Variants in CELSR3 observed in about 807,000 individuals in gnomAD.
The protein encoded by CELSR3 is EGF-like protein 1.
Under a neutral mutation model 270.0 loss-of-function variants are expected in CELSR3, and 73 were observed. That is an observed-to-expected ratio of 0.27 (90% CI 0.22 to 0.33). CELSR3 has a LOEUF of 0.33. Among genes scored for constraint, CELSR3 ranks in the 10% least tolerant of loss-of-function variants. The pLI is 1.00. For synonymous variants in CELSR3, 1,780 were observed against 1,905.4 expected, an observed-to-expected ratio of 0.93 and a Z score of 1.71; for missense variants, 3,614 against 4,533.8, an observed-to-expected ratio of 0.80 and a Z score of 5.83.
Position 48,658,774 on chromosome 3 carries a change from A to T in CELSR3, c.3748+113T>A. 7.6e-7 allele frequency: 1 copy of T among 1,317,754 alleles called. No individual in the cohort carries two copies. Among genetic ancestry groups the T allele is most frequent in the Non-Finnish European group, 1.1e-6 (1 of 950,860 alleles). 81.6% of individuals were successfully genotyped at this position (1,317,754 alleles called of 1,614,324 possible). A position where few individuals can be genotyped will look rare whatever the true frequency, so the allele number is the denominator to read the frequency against. ...TGTAGGGTGCAGGAACCCTACCCTT[A>T]AGGGGTTCTTGGAAGGCTTAGAAAT... On this transcript the variant is annotated intron_variant, in intron 1 of 34. Coordinates refer to ENST00000164024, the MANE Select transcript of CELSR3 (RefSeq NM_001407.3). This position sits in a 1 kb window ranked among gnomAD's most constrained non-coding sequence, Gnocchi z 4.7.
intron 18 of CELSR3, 118 bp from the exon 19 acceptor site, chr3:48,648,579 G>T: frequency 1.5e-6 from 2 of 1,370,716 alleles, no homozygotes; most frequent in Non-Finnish European, 2.0e-6. Flanking sequence ...AAGGGGGCGG[G>T]GCTGGAGAGG....
At position 48,645,542 on chromosome 3, in the gene CELSR3, G is replaced by A. The variant is rs572778464; in HGVS notation, c.7698C>T (p.Ser2566=). The change falls in exon 24 of 35, where the codon AGC becomes AGT. Residue 2566 remains serine, a synonymous_variant. Transcript: ENST00000164024. The surrounding 1 kb of genome is among the most constrained non-coding windows in gnomAD (Gnocchi z 5.4). ...GGATCCCACGCACATTGGACTTGAG[G>A]CTGCGCAGGCTCAGCAGGATGGCTG... The part of the protein sequence containing the change: ...LTAAILLSLR[S]LKSNVRGIHA... The A allele has an allele frequency of 1.2e-6, 2 of 1,612,696 alleles. No homozygotes were observed. The highest frequency in any genetic ancestry group is 8.5e-7 in the Non-Finnish European group (1 of 1,180,004).
At position 48,645,382 on chromosome 3, in the gene CELSR3, C is replaced by A. The variant is rs765364631; in HGVS notation, c.7797+61G>T. ...CTGACCTCTGACCCTGAGTTTTGGC[C>A]CCAGGCCTCCTGGGCCAGTAGGGTC... On this transcript the variant is annotated intron_variant, in intron 24 of 34. Transcript: ENST00000164024. This position sits in a 1 kb window ranked among gnomAD's most constrained non-coding sequence, Gnocchi z 5.4. The A allele has an allele frequency of 6.2e-7, 1 of 1,603,206 alleles. No individual in the cohort carries two copies. Among genetic ancestry groups the A allele is most frequent in the African/African-American group, 1.3e-5 (1 of 74,716 alleles).
At position 48,655,061 on chromosome 3, in the gene CELSR3, C is replaced by T; in HGVS notation, c.4971G>A (p.Val1657=). 1 of 1,613,860 alleles carries T rather than the reference C, an allele frequency of 6.2e-7. No individual in the cohort carries two copies. Among genetic ancestry groups the T allele is most frequent in the Non-Finnish European group, 8.5e-7 (1 of 1,179,900 alleles). ...GGCCTCACTTCTTGGAGCTTGTTTG[C>T]ACACCAGCAGCCGCGCATGAGTAGT... is the stretch of plus-strand genomic sequence containing the variant. ...IGNYSCAAAG[V]QTSSKKSLDL... The change falls in exon 6 of 35, where the codon GTG becomes GTA. Residue 1657 remains valine (V), a synonymous_variant. Coordinates refer to ENST00000164024, the MANE Select transcript of CELSR3 (RefSeq NM_001407.3). This position sits in a 1 kb window ranked among gnomAD's most constrained non-coding sequence, Gnocchi z 5.8.
At position 48,641,243 on chromosome 3, in the gene CELSR3, G is replaced by A; in HGVS notation, c.9025+81C>T. 2.2e-6 allele frequency: 2 copies of A among 915,250 alleles called. No homozygotes were observed. The highest frequency in any genetic ancestry group is 3.5e-6 in the Non-Finnish European group (2 of 566,174). 56.7% of individuals were successfully genotyped at this position (915,250 alleles called of 1,614,324 possible). On this transcript the variant is annotated intron_variant, in intron 33 of 34. Coordinates refer to ENST00000164024, the MANE Select transcript of CELSR3 (RefSeq NM_001407.3). The surrounding 1 kb of genome is among the most constrained non-coding windows in gnomAD (Gnocchi z 4.8). ...GTAAGAAGAGCTCTCAGTTTGGGAT[G>A]AGGAAGCTGCAATCCCTTGGCTCAG...
Position 48,662,485 on chromosome 3 carries a change from C to A in CELSR3, c.150G>T (p.Thr50=). ...QGWDPGLAAT[T]GPRAHIGGGA... is the part of the protein sequence containing the mutation. ...CGCCACCGATATGCGCCCTTGGCCCCGTAGTGGCAGCTAAGCCTGGGTCCC... is the reference window on the plus strand; with the variant it reads ...CGCCACCGATATGCGCCCTTGGCCCAGTAGTGGCAGCTAAGCCTGGGTCCC... Residue 50 remains threonine (T), a synonymous_variant, in exon 1 of 35, where the codon ACG becomes ACT. Coordinates refer to ENST00000164024, the MANE Select transcript of CELSR3 (RefSeq NM_001407.3). The surrounding 1 kb of genome is among the most constrained non-coding windows in gnomAD (Gnocchi z 7.1). The A allele has an allele frequency of 6.2e-7, 1 of 1,612,688 alleles. No homozygotes were observed. The highest frequency in any genetic ancestry group is 8.5e-7 in the Non-Finnish European group (1 of 1,179,826).
Position 48,660,498 on chromosome 3 carries a change from G to A in CELSR3, c.2137C>T (p.Pro713Ser), listed in dbSNP as rs866978990. 6.2e-7 allele frequency: 1 copy of A among 1,614,134 alleles called. No homozygotes were observed. The highest frequency in any genetic ancestry group is 8.5e-7 in the Non-Finnish European group (1 of 1,180,030). Residue 713 changes from proline (P) to serine (S), a missense_variant, in exon 1 of 35, where the codon CCC (proline) becomes TCC (serine). Physicochemically the swap from Pro to Ser is moderately conservative, Grantham distance 74. This residue lies in a region of CELSR3 where 215 missense variants were observed against 241.2 expected (regional missense o/e 0.89). Transcript: ENST00000164024. The surrounding 1 kb of genome is among the most constrained non-coding windows in gnomAD (Gnocchi z 5.5). ...SATGWVSVSG[P>S]LDRESVEHYF... ...TGCTCCACAGACTCACGGTCCAGGG[G>A]ACCACTCACAGAGACCCAGCCAGTG...
Position 48,651,881 on chromosome 3 carries a change from C to T in CELSR3, c.5919G>A (p.Gln1973=), listed in dbSNP as rs780848481. The T allele has an allele frequency of 1.2e-6, 2 of 1,610,346 alleles. No homozygotes were observed. Among genetic ancestry groups the T allele is most frequent in the South Asian group, 2.2e-5 (2 of 90,606 alleles). The part of the protein sequence containing the change: ...DLWQTFSCTC[Q]PGYYGPGCVD... Reference sequence around the variant, plus strand: ...CCCAACCCTCTCAAGGCTCACCTGGCTGGCAGGTGCAAGAAAAGGTCTGCC... The same window carrying T: ...CCCAACCCTCTCAAGGCTCACCTGGTTGGCAGGTGCAAGAAAAGGTCTGCC... Residue 1973 remains glutamine, a synonymous_variant, in exon 12 of 35, where the codon CAG becomes CAA. Coordinates refer to ENST00000164024, the MANE Select transcript of CELSR3 (RefSeq NM_001407.3). The surrounding 1 kb of genome is among the most constrained non-coding windows in gnomAD (Gnocchi z 7.4).
Position 48,639,992 on chromosome 3 carries a change from G to A in CELSR3, c.9593C>T (p.Ser3198Leu), listed in dbSNP as rs778909835. ...CTGGTCCAGCTGCTCCCGAGAGTTC[G>A]AGCTCCTAGACAGAGAGTCCAGCGG... is the stretch of plus-strand genomic sequence containing the variant. Reference protein sequence around the residue: ...SRPLDSLSRSSNSREQLDQVP... With the variant: ...SRPLDSLSRSLNSREQLDQVP... Residue 3198 changes from serine (S) to leucine (L), a missense_variant, in exon 34 of 35, where the codon TCG becomes TTG. Coordinates refer to ENST00000164024, the MANE Select transcript of CELSR3 (RefSeq NM_001407.3). This position sits in a 1 kb window ranked among gnomAD's most constrained non-coding sequence, Gnocchi z 4.1. 1.7e-5 allele frequency: 27 copies of A among 1,612,462 alleles called. No homozygotes were observed. Among genetic ancestry groups the A allele is most frequent in the South Asian group, 7.7e-5 (7 of 91,090 alleles).
chr3:48,653,883 T>C lies in CELSR3; in HGVS notation c.5273A>G (p.Gln1758Arg), dbSNP rs12107252. 0.13 allele frequency: 210,852 copies of C among 1,613,496 alleles called. 18,576 individuals are homozygous for C. Among genetic ancestry groups the C allele is most frequent in the African/African-American group, 0.46 (34,680 of 75,014 alleles). ...GCCCCATGCTGCCCACTTACTAAGC[T>C]GACAGTCTTTGCCGCCGAAGCCCAC... ...CPVGFGGKDC[Q>R]LTMAHPHHFR... The change falls in exon 8 of 35, where the codon CAG becomes CGG. Residue 1758 changes from glutamine to arginine, a missense_variant. Physicochemically the swap from Gln to Arg is conservative, Grantham distance 43. Transcript: ENST00000164024. The surrounding 1 kb of genome is among the most constrained non-coding windows in gnomAD (Gnocchi z 6.5).
Position 48,653,262 on chromosome 3 carries a change from C to T in CELSR3, c.5449-75G>A. The T allele has an allele frequency of 7.2e-7, 1 of 1,391,110 alleles. No homozygotes were observed. The allele number at this position is 1,391,110 out of a possible 1,614,324, so 86.2% of individuals were successfully genotyped here. On this transcript the variant is annotated intron_variant, in intron 9 of 34. Transcript: ENST00000164024. This position sits in a 1 kb window ranked among gnomAD's most constrained non-coding sequence, Gnocchi z 6.5. ...GACTTGGAGGTGAGATCAGAGGGCT[C>T]AGAGGTCAGGAATATCAGAGGTCAG...
In CELSR3 at chr3:48,650,554, A is replaced by G; in HGVS notation, c.6398T>C (p.Leu2133Pro). The stretch of plus-strand genomic sequence containing the variant: ...CTGGGGCCACCACACACCAGATCTC[A>G]GGGACTTAGGGCAGGCATCATAGAG... ...RVLYDACPKS[L>P]RSGVWWPQTK... The change falls in exon 16 of 35, where the codon CTG (leucine) becomes CCG (proline). Residue 2133 changes from leucine (L) to proline (P), a missense_variant. Coordinates refer to ENST00000164024, the MANE Select transcript of CELSR3 (RefSeq NM_001407.3). The surrounding 1 kb of genome is among the most constrained non-coding windows in gnomAD (Gnocchi z 5.1). 6.3e-7 allele frequency: 1 copy of G among 1,599,272 alleles called. No individual in the cohort carries two copies. The highest frequency in any genetic ancestry group is 8.5e-7 in the Non-Finnish European group (1 of 1,173,268).
In CELSR3 at chr3:48,655,080, G is replaced by A. The variant is rs953290935; in HGVS notation, c.4952C>T (p.Ser1651Leu). The change falls in exon 6 of 35, where the codon TCA becomes TTA. Residue 1651 changes from serine to leucine, a missense_variant. Around this residue, in one of 7 missense-constraint regions of CELSR3, gnomAD observed 1,331 missense variants for 1,933.7 expected, o/e 0.69. Coordinates refer to ENST00000164024, the MANE Select transcript of CELSR3 (RefSeq NM_001407.3). This position sits in a 1 kb window ranked among gnomAD's most constrained non-coding sequence, Gnocchi z 5.8. ...LQFGAEIGNY[S>L]CAAAGVQTSS... is the part of the protein sequence containing the mutation. Reference sequence around the variant, plus strand: ...TGTTTGCACACCAGCAGCCGCGCATGAGTAGTTGCCAATCTCAGCACCAAA... The same window carrying A: ...TGTTTGCACACCAGCAGCCGCGCATAAGTAGTTGCCAATCTCAGCACCAAA... The A allele has an allele frequency of 5.6e-6, 9 of 1,613,794 alleles. No individual in the cohort carries two copies. Among genetic ancestry groups the A allele is most frequent in the Admixed American group, 1.7e-5 (1 of 59,970 alleles).
chr3:48,657,242 C>G lies in CELSR3; in HGVS notation c.3855G>C (p.Glu1285Asp). Residue 1285 changes from glutamate to aspartate, a missense_variant, in exon 2 of 35, where the codon GAG becomes GAC. Around this residue, in one of 7 missense-constraint regions of CELSR3, gnomAD observed 1,331 missense variants for 1,933.7 expected, o/e 0.69. Coordinates refer to ENST00000164024, the MANE Select transcript of CELSR3 (RefSeq NM_001407.3). The surrounding 1 kb of genome is among the most constrained non-coding windows in gnomAD (Gnocchi z 5.4). Reference sequence around the variant, plus strand: ...GGCCCAGCAGCGGTGACAGGAAGCGCTCCTGCCACATGTTCTCAAGGCGCA... The same window carrying G: ...GGCCCAGCAGCGGTGACAGGAAGCGGTCCTGCCACATGTTCTCAAGGCGCA... ...LTVRLENMWQ[E>D]RFLSPLLGRF... The G allele has an allele frequency of 1.9e-6, 3 of 1,613,058 alleles. No homozygotes were observed. The highest frequency in any genetic ancestry group is 1.7e-6 in the Non-Finnish European group (2 of 1,179,766).
Position 48,648,248 on chromosome 3 carries a change from A to AACCC in CELSR3, c.6973+17_6973+18insGGGT. ...TGGCCCCCCTGCTGTGCCCCGCCCT[A>AACCC]CCCCACCCACAACGCACTGATATTA... On this transcript the variant is annotated intron_variant, in intron 19 of 34. Coordinates refer to ENST00000164024, the MANE Select transcript of CELSR3 (RefSeq NM_001407.3). 21 of 975,232 alleles carry AACCC rather than the reference A, an allele frequency of 2.2e-5. No homozygotes were observed. The highest frequency in any genetic ancestry group is 3.1e-5 in the Non-Finnish European group (20 of 653,524). 60.4% of individuals were successfully genotyped at this position (975,232 alleles called of 1,614,324 possible). A position where few individuals can be genotyped will look rare whatever the true frequency, so the allele number is the denominator to read the frequency against.
Position 48,647,934 on chromosome 3 carries a change from A to G in CELSR3, c.7036T>C (p.Tyr2346His), listed in dbSNP as rs1165660220. 1 of 1,612,116 alleles carries G rather than the reference A, an allele frequency of 6.2e-7. No individual in the cohort carries two copies. Among genetic ancestry groups the G allele is most frequent in the Middle Eastern group, 1.7e-4 (1 of 6,054 alleles). Residue 2346 changes from tyrosine (Y) to histidine (H), a missense_variant, in exon 20 of 35, where the codon TAC (tyrosine) becomes CAC (histidine). Tyr to His is a moderately conservative substitution (Grantham distance 83). This residue lies in a region of CELSR3 where 1,240 missense variants were observed against 1,351.7 expected (regional missense o/e 0.92). Coordinates refer to ENST00000164024, the MANE Select transcript of CELSR3 (RefSeq NM_001407.3). Reference protein sequence around the residue: ...SPRGARRYPRYHSNLFRGQDA... With the variant: ...SPRGARRYPRHHSNLFRGQDA... ...TGGCCTCGAAAGAGGTTGCTATGGT[A>G]GCGAGGGTAGCGACGGGCCCCCCGG...
Position 48,660,034 on chromosome 3 carries a change from C to T in CELSR3, c.2601G>A (p.Val867=). Residue 867 remains valine, a synonymous_variant, in exon 1 of 35, where the codon GTG becomes GTA. Transcript: ENST00000164024. This position sits in a 1 kb window ranked among gnomAD's most constrained non-coding sequence, Gnocchi z 5.5. The part of the protein sequence containing the change: ...VFQSAHYSVS[V]NEDRPMGSTI... ...TGCTACCCATTGGCCGATCTTCATT[C>T]ACACTCACTGAGTAGTGGGCACTTT... 2 of 1,614,212 alleles carry T rather than the reference C, an allele frequency of 1.2e-6. No individual in the cohort carries two copies. The highest frequency in any genetic ancestry group is 1.1e-5 in the South Asian group (1 of 91,086).
Position 48,659,884 on chromosome 3 carries a change from G to C in CELSR3, c.2751C>G (p.Ala917=), listed in dbSNP as rs375770841. The C allele has an allele frequency of 6.2e-7, 1 of 1,614,010 alleles. No homozygotes were observed. Among genetic ancestry groups the C allele is most frequent in the Non-Finnish European group, 8.5e-7 (1 of 1,179,970 alleles). ...TCACCTGGTCCTCATAGTCTAATGG[G>C]GCCTGTAATGTAATGGCTCCTGAGT... is the stretch of plus-strand genomic sequence containing the variant. ...DADSGAITLQ[A]PLDYEDQVTY... The change falls in exon 1 of 35, where the codon GCC becomes GCG. Residue 917 remains alanine, a synonymous_variant. Transcript: ENST00000164024. The surrounding 1 kb of genome is among the most constrained non-coding windows in gnomAD (Gnocchi z 8.1).
In CELSR3 at chr3:48,650,781, C is replaced by T. The variant is rs778097891; in HGVS notation, c.6370+111G>A. The T allele has an allele frequency of 1.5e-5, 19 of 1,275,260 alleles. No homozygotes were observed. The highest frequency in any genetic ancestry group is 2.0e-5 in the Non-Finnish European group (18 of 922,966). The allele number at this position is 1,275,260 out of a possible 1,614,324, so 79.0% of individuals were successfully genotyped here. A position where few individuals can be genotyped will look rare whatever the true frequency, so the allele number is the denominator to read the frequency against. On this transcript the variant is annotated intron_variant, in intron 15 of 34. Coordinates refer to ENST00000164024, the MANE Select transcript of CELSR3 (RefSeq NM_001407.3). The surrounding 1 kb of genome is among the most constrained non-coding windows in gnomAD (Gnocchi z 5.1). ...AGGGTTCCCTGGGTGTAAGTGGTCT[C>T]CCTCAGGAGAAGCTTCCAGAGTCCC...
Sources: allele counts gnomAD v4.1 joint callset, GRCh38; gene constraint gnomAD v4.1.1; regional missense constraint gnomAD v4.1.1; non-coding constraint Gnocchi (gnomAD v3.1); transcripts MANE v1.5; gene names NCBI Gene and HGNC (gene_info 2026-07-23, HGNC 2026-07-21).